Variants in COL11A1 observed in about 807,000 individuals in gnomAD.
COL11A1 encodes collagen alpha-1(XI) chain.
Under a neutral mutation model 265.2 loss-of-function variants are expected in COL11A1, and 74 were observed. That is an observed-to-expected ratio of 0.28 (90% CI 0.23 to 0.34). The LOEUF is 0.34. Ranked by LOEUF, COL11A1 falls within the 10% of genes least tolerant of loss-of-function variation. The pLI, the probability that COL11A1 is intolerant of heterozygous loss-of-function variation, is 1.00. For synonymous variants in COL11A1, 816 were observed against 727.6 expected (o/e 1.12, Z -1.96); for missense variants, 2,165 against 2,263.6 (o/e 0.96, Z 0.88).
At chr1:102,993,740 C>T (rs1253277634) in intron 28 of COL11A1, among the ~76,000 whole-genome samples, 2 of 152,148 alleles carry the variant, frequency 1.3e-5, no homozygotes, top group African/African-American at 4.8e-5. Flanking sequence ...CGTCTCACTA[C>T]TTTGCCCAGG....
At chr1:103,048,009 A>T (rs1291593740) in intron 4 of COL11A1, among the ~76,000 whole-genome samples, 1 of 152,108 alleles carries the variant, frequency 6.6e-6, no homozygotes, top group Non-Finnish European at 1.5e-5. Flanking sequence ...GTTTGCCAGT[A>T]TTTTATTGAG....
At chr1:102,887,872 A>T (rs988910856) in intron 62 of COL11A1, among the ~76,000 whole-genome samples, 1 of 152,162 alleles carries the variant, frequency 6.6e-6, no homozygotes, top group Non-Finnish European at 1.5e-5. Context: ...GACAGCCACC[A>T]CAAGCCAAGA....
intron 15 of COL11A1, 27 bp downstream of exon 15, chr1:103,008,436 A>G: frequency 2.5e-6 from 4 of 1,604,686 alleles, no homozygotes; most frequent in Non-Finnish European, 3.4e-6. Context: ...CCAGTCAAGA[A>G]TAAAAAGTCA....
At chr1:102,993,425 C>A (rs1664326676) in intron 28 of COL11A1, among the ~76,000 whole-genome samples, 1 of 152,060 alleles carries the variant, frequency 6.6e-6, no homozygotes, top group Non-Finnish European at 1.5e-5. Context: ...TTATAGCCTA[C>A]CCACATCCTT....
Position 102,890,460 on chromosome 1 carries a change from CT to C in COL11A1, c.4346del (p.Lys1449ArgfsTer9). ...ATTCTTTTATTCTCACCTTTTCACC[CT>C]TGGAGCCAGGGTCACCTTTGAGACC... ...LPGLKGDPGS[K>X]GEKGHPGLIG... On this transcript the variant is annotated frameshift_variant, in exon 58 of 67. Coordinates refer to ENST00000370096, the MANE Select transcript of COL11A1 (RefSeq NM_001854.4). LOFTEE classifies it high-confidence loss of function. 6.2e-7 allele frequency: 1 copy of C among 1,609,080 alleles called. No individual in the cohort carries two copies. The highest frequency in any genetic ancestry group is 8.5e-7 in the Non-Finnish European group (1 of 1,177,476).
intron 1 of COL11A1, among the ~76,000 whole-genome samples, chr1:103,087,544 T>G (rs1005379629): frequency 6.6e-6 from 1 of 152,290 alleles, no homozygotes. Context: ...GAATGTACAG[T>G]CTTAGCTCTC....
intron 1 of COL11A1, among the ~76,000 whole-genome samples, chr1:103,102,551 C>T (rs967120887): frequency 7.2e-5 from 11 of 152,170 alleles, no homozygotes; most frequent in Non-Finnish European, 5.9e-5. Flanking sequence ...TGCTGACCAA[C>T]GCTCAGTCCC....
intron 6 of COL11A1, 33 bp from the exon 7 acceptor site, chr1:103,025,646 A>T: frequency 6.3e-7 from 1 of 1,591,250 alleles, no homozygotes; most frequent in Non-Finnish European, 8.6e-7. Flanking sequence ...ATTAGTAAAC[A>T]TGTAAGGTGA....
chr1:102,965,455 T>A (rs751919910), intron 38 of COL11A1, 32 bp downstream of exon 38: 3 of 1,594,816 alleles, frequency 1.9e-6, no homozygotes, highest in Non-Finnish European at 2.6e-6. Context: ...AAAAAATAAA[T>A]CTTGCTTGGG....
At position 102,889,400 on chromosome 1, in the gene COL11A1, T is replaced by TGTGCGTGC. The variant is rs1241776211; in HGVS notation, c.4464+54_4464+55insGCACGCAC. 5.2e-5 allele frequency: 54 copies of TGTGCGTGC among 1,035,820 alleles called. No individual in the cohort carries two copies. In the African/African-American group the frequency reaches 7.1e-4, roughly 14 times the overall value. The allele number at this position is 1,035,820 out of a possible 1,614,324, so 64.2% of individuals were successfully genotyped here. A position where few individuals can be genotyped will look rare whatever the true frequency, so the allele number is the denominator to read the frequency against. On this transcript the variant is annotated intron_variant, in intron 59 of 66. Coordinates refer to ENST00000370096, the MANE Select transcript of COL11A1 (RefSeq NM_001854.4). ...TTAAAGGACTGTGTGTGTGTGTGTG[T>TGTGCGTGC]GTGTGTGTGTATTATTGGAAATGAG...
chr1:103,080,094 T>C (rs577425928), intron 2 of COL11A1, among the ~76,000 whole-genome samples: 76 of 152,066 alleles, frequency 5.0e-4, no homozygotes, highest in African/African-American at 1.7e-3. Context: ...ATGTATGGTA[T>C]GTAATAGAAT....
Position 102,898,926 on chromosome 1 carries a change from TTA to T in COL11A1, c.4140+13_4140+14del, listed in dbSNP as rs1465665152. The T allele has an allele frequency of 1.0e-5, 14 of 1,336,264 alleles. No homozygotes were observed. The highest frequency in any genetic ancestry group is 4.0e-5 in the Admixed American group (2 of 50,434). The allele number at this position is 1,336,264 out of a possible 1,614,324, so 82.8% of individuals were successfully genotyped here. On this transcript the variant is annotated intron_variant, in intron 55 of 66. Transcript: ENST00000370096. ...ATATATAATATATATTATGTATATA[TTA>T]TTTTTTTTTTACCTTAGCACCTTTT...
chr1:102,943,591 A>G (rs2101356218), intron 42 of COL11A1, among the ~76,000 whole-genome samples: 1 of 152,084 alleles, frequency 6.6e-6, no homozygotes, highest in Non-Finnish European at 1.5e-5. Flanking sequence ...TTCTCTCAAC[A>G]CTACATCACG....
chr1:102,994,066 C>T (rs76617635), intron 28 of COL11A1, among the ~76,000 whole-genome samples: 2,067 of 152,176 alleles, frequency 0.014, 56 homozygotes, highest in African/African-American at 0.047. Context: ...TAGTATATAA[C>T]AGTAGCTTTT....
rs1654984350 is a variant in COL11A1, at chr1:102,913,777, T to C, written c.3979-87A>G. 3.4e-6 allele frequency: 4 copies of C among 1,169,598 alleles called. No individual in the cohort carries two copies. In the South Asian group the frequency reaches 3.8e-5, roughly 11 times the overall value. 72.5% of individuals were successfully genotyped at this position (1,169,598 alleles called of 1,614,324 possible). A position where few individuals can be genotyped will look rare whatever the true frequency, so the allele number is the denominator to read the frequency against. On this transcript the variant is annotated intron_variant, in intron 52 of 66. Coordinates refer to ENST00000370096, the MANE Select transcript of COL11A1 (RefSeq NM_001854.4). The stretch of plus-strand genomic sequence containing the variant: ...ATCAGGAAAAAAGTATGTTAGGCCA[T>C]CTCTTGAGAAAAATTATCAGATGGA...
At chr1:103,001,756 A>G (rs1244616748) in intron 24 of COL11A1, 169 bp downstream of exon 24, 6 of 649,468 alleles carry the variant, frequency 9.2e-6, no homozygotes, top group Middle Eastern at 2.6e-4. Context: ...TTAAGAACAC[A>G]TGAATGAAAT....
intron 46 of COL11A1, among the ~76,000 whole-genome samples, chr1:102,926,188 C>T (rs1475641473): frequency 1.3e-5 from 2 of 152,032 alleles, no homozygotes; most frequent in Non-Finnish European, 2.9e-5. Flanking sequence ...TTGCATGGAA[C>T]TAAACACTCT....
At chr1:102,999,972 T>C (rs1044641826) in intron 24 of COL11A1, among the ~76,000 whole-genome samples, 1 of 151,856 alleles carries the variant, frequency 6.6e-6, no homozygotes, top group African/African-American at 2.4e-5. Context: ...ATTTTGAACC[T>C]ACAGGCTGGA....
rs987922919 is a variant in COL11A1 at position 103,068,336 on chromosome 1, GA to G, written c.651+6281del. Among the ~76,000 whole-genome samples the G allele has an allele frequency of 2.7e-5, 4 of 150,754 alleles. No individual in the cohort carries two copies. The East Asian group carries it at 7.8e-4, about 29-fold the overall frequency. On this transcript the variant is annotated intron_variant, in intron 4 of 66. Transcript: ENST00000370096. The stretch of plus-strand genomic sequence containing the variant: ...TCAATGTAATTCAACATACTAACAG[GA>G]AAAAAAACCCGCATGATCATTTCAA...
Sources: gnomAD v4.1 joint callset for allele counts (sites outside exome capture counted in the v4.1 genomes callset) on GRCh38, gnomAD v4.1.1 for gene constraint, MANE v1.5 for transcripts, NCBI Gene and HGNC (gene_info 2026-07-23, HGNC 2026-07-21) for gene names.